Variants in RASSF5 observed in about 807,000 individuals in gnomAD.
RASSF5 encodes the protein ras association domain-containing protein 5.
In RASSF5, 25 loss-of-function variants were observed where a neutral mutation model predicts 40.5. That is an observed-to-expected ratio of 0.62 (90% CI 0.45 to 0.86). RASSF5 has a LOEUF of 0.86. Among genes scored for constraint, RASSF5 ranks in the 40% least tolerant of loss-of-function variants. The pLI is 0.00. For synonymous variants in RASSF5, 246 were observed against 252.4 expected, an observed-to-expected ratio of 0.97 and a Z score of 0.24; for missense variants, 521 against 572.8, an observed-to-expected ratio of 0.91 and a Z score of 0.92.
chr1:206,568,273 C>G (rs1344768438), intron 2 of RASSF5, among the ~76,000 whole-genome samples: 2 of 152,202 alleles, frequency 1.3e-5, no homozygotes, highest in Non-Finnish European at 2.9e-5. Context: ...ATATTAATCC[C>G]TGAGCACCTG....
Position 206,552,611 on chromosome 1 carries a change from T to A in RASSF5, c.579+14318T>A, listed in dbSNP as rs1667870348. 2.0e-5 allele frequency among the ~76,000 whole-genome samples: 3 copies of A among 151,836 alleles called. No individual in the cohort carries two copies. Among genetic ancestry groups the A allele is most frequent in the Admixed American group, 2.0e-4 (3 of 15,240 alleles). ...AAGAGTTTGGAATAGGTGGCGGGAG[T>A]CGGTGGAGAAAGGACAATTGTAATG... On this transcript the variant is annotated intron_variant, in intron 2 of 5. Transcript: ENST00000579436. This position sits in a 1 kb window ranked among gnomAD's most constrained non-coding sequence, Gnocchi z 4.1.
chr1:206,530,830 G>A (rs1240178609), intron 1 of RASSF5, among the ~76,000 whole-genome samples: 4 of 152,200 alleles, frequency 2.6e-5, no homozygotes, highest in African/African-American at 9.7e-5. Flanking sequence ...GCCATGGAAG[G>A]TCTGAGGATG....
chr1:206,558,412 T>C (rs1668050402), intron 2 of RASSF5, among the ~76,000 whole-genome samples: 1 of 152,076 alleles, frequency 6.6e-6, no homozygotes. Context: ...AGTATCTTGG[T>C]GGGAGTGGAG....
intron 2 of RASSF5, chr1:206,557,815 C>A (rs1558512047): frequency 4.5e-6 from 5 of 1,118,340 alleles, no homozygotes; most frequent in Non-Finnish European, 2.6e-6. Context: ...AGTGGCCAGG[C>A]AGTTGCCCTG....
chr1:206,542,915 A>T (rs1216138509), intron 2 of RASSF5: 2 of 152,226 alleles, frequency 1.3e-5, no homozygotes, highest in Non-Finnish European at 2.9e-5. Context: ...ACAAATATTT[A>T]TTAAGCCAGG....
chr1:206,547,458 CG>C (rs1667727268), intron 2 of RASSF5, among the ~76,000 whole-genome samples: 1 of 151,810 alleles, frequency 6.6e-6, no homozygotes, highest in Non-Finnish European at 1.5e-5. Context: ...ATCTAGGTTG[CG>C]TGCTCCTTAT....
chr1:206,540,354 C>T (rs1667514085), intron 2 of RASSF5, among the ~76,000 whole-genome samples: 3 of 152,248 alleles, frequency 2.0e-5, no homozygotes, highest in Admixed American at 2.0e-4. Flanking sequence ...TTTTTGGAAA[C>T]AGAGTGACCC....
chr1:206,571,933 A>T (rs1312900086), intron 2 of RASSF5, among the ~76,000 whole-genome samples: 1 of 152,138 alleles, frequency 6.6e-6, no homozygotes, highest in Non-Finnish European at 1.5e-5. Flanking sequence ...ATTGAGTGTC[A>T]CCCTCTTCTG....
At chr1:206,539,625 T>C (rs1346694945) in intron 2 of RASSF5, among the ~76,000 whole-genome samples, 1 of 152,198 alleles carries the variant, frequency 6.6e-6, no homozygotes, top group Admixed American at 6.5e-5. Context: ...TCCACAGACG[T>C]TGGAATAGTA....
Position 206,587,133 on chromosome 1 carries a change from G to A in RASSF5, c.*155G>A, listed in dbSNP as rs1455789082. On this transcript the variant is annotated 3_prime_UTR_variant, in exon 6 of 6. Coordinates refer to ENST00000579436, the MANE Select transcript of RASSF5 (RefSeq NM_182663.4). ...TGGCAAAAGTCTCTTCCATGGACAA[G>A]TGTTTGCACGAGGGTTCAGCTGTGC... The A allele has an allele frequency of 1.1e-6, 1 of 924,514 alleles. No individual in the cohort carries two copies. The highest frequency in any genetic ancestry group is 2.7e-5 in the East Asian group (1 of 36,670). The allele number at this position is 924,514 out of a possible 1,614,324, so 57.3% of individuals were successfully genotyped here.
In RASSF5 at chr1:206,535,912, C is replaced by T. The variant is rs893268989; in HGVS notation, c.458-2260C>T. Reference sequence around the variant, plus strand: ...CAGCTGTCATCACCGTGGAGCTGGGCGAGCTTTCAGTCCTTCCTCCTTTTC... The same window carrying T: ...CAGCTGTCATCACCGTGGAGCTGGGTGAGCTTTCAGTCCTTCCTCCTTTTC... On this transcript the variant is annotated intron_variant, in intron 1 of 5. Coordinates refer to ENST00000579436, the MANE Select transcript of RASSF5 (RefSeq NM_182663.4). This position sits in a 1 kb window ranked among gnomAD's most constrained non-coding sequence, Gnocchi z 5.0. Among the ~76,000 whole-genome samples the T allele has an allele frequency of 9.9e-5, 15 of 152,160 alleles. No individual in the cohort carries two copies. The East Asian group carries it at 1.5e-3, about 16-fold the overall frequency.
At chr1:206,511,429 G>C (rs1417655253) in intron 1 of RASSF5, among the ~76,000 whole-genome samples, 1 of 152,102 alleles carries the variant, frequency 6.6e-6, no homozygotes, top group African/African-American at 2.4e-5. Flanking sequence ...TCTCATTTTG[G>C]TGGCTGCGTA....
chr1:206,578,063 A>G (rs1230081388), intron 2 of RASSF5, among the ~76,000 whole-genome samples: 4 of 132,610 alleles, frequency 3.0e-5, no homozygotes, highest in Non-Finnish European at 5.0e-5. Flanking sequence ...CATTTCTACA[A>G]AAAAATAAAA....
intron 2 of RASSF5, among the ~76,000 whole-genome samples, chr1:206,573,327 G>A (rs1241251088): frequency 2.0e-5 from 3 of 152,192 alleles, no homozygotes; most frequent in Non-Finnish European, 4.4e-5. Flanking sequence ...GAGGCATATA[G>A]ATTTTCTGAC....
At position 206,507,644 on chromosome 1, in the gene RASSF5, GCTA is replaced by G; in HGVS notation, c.46_48del (p.Leu17del). On this transcript the variant is annotated inframe_deletion, in exon 1 of 6. Coordinates refer to ENST00000579436, the MANE Select transcript of RASSF5 (RefSeq NM_182663.4). Reference sequence around the variant, plus strand: ...CGGCCATCGGGCAGCGCCCGTACCCGCTACTATTGGACCCCGAGCCGCCGCGCT... The same window carrying G: ...CGGCCATCGGGCAGCGCCCGTACCCGCTATTGGACCCCGAGCCGCCGCGCT... 6.5e-7 allele frequency: 1 copy of G among 1,535,528 alleles called. No homozygotes were observed. Among genetic ancestry groups the G allele is most frequent in the Non-Finnish European group, 8.7e-7 (1 of 1,147,790 alleles).
In RASSF5 at chr1:206,540,900, T is replaced by TA. The variant is rs200710262; in HGVS notation, c.579+2607_579+2608insA. 8.8e-4 allele frequency among the ~76,000 whole-genome samples: 134 copies of TA among 151,540 alleles called. 1 individual carries two copies. Among genetic ancestry groups the TA allele is most frequent in the African/African-American group, 3.0e-3 (125 of 41,408 alleles). ...TGGCATTTCTCCTCTCTGATATATA[T>TA]TTTTTTTTCCTGAGACAGAGTCTCA... On this transcript the variant is annotated intron_variant, in intron 2 of 5. Coordinates refer to ENST00000579436, the MANE Select transcript of RASSF5 (RefSeq NM_182663.4).
At chr1:206,518,556 C>A in intron 1 of RASSF5, 1 of 398,646 alleles carries the variant, frequency 2.5e-6, no homozygotes, top group Non-Finnish European at 4.4e-6. Context: ...TAGGTCTAAG[C>A]CAATCTGACT....
intron 2 of RASSF5, among the ~76,000 whole-genome samples, chr1:206,546,141 T>A: frequency 8.8e-6 from 1 of 113,858 alleles, no homozygotes; most frequent in Non-Finnish European, 1.7e-5. Flanking sequence ...CAGGATCTCA[T>A]TCGGTCACCC....
chr1:206,510,616 TGCTGA>T (rs1207649068), intron 1 of RASSF5, among the ~76,000 whole-genome samples: 2 of 152,176 alleles, frequency 1.3e-5, no homozygotes, highest in African/African-American at 4.8e-5. Context: ...TCTGCCTGGT[TGCTGA>T]GCTAAGTGGG....
Sources: gnomAD v4.1 joint callset for allele counts (sites outside exome capture counted in the v4.1 genomes callset) on GRCh38, gnomAD v4.1.1 for gene constraint, Gnocchi (gnomAD v3.1) non-coding constraint, MANE v1.5 for transcripts, NCBI Gene and HGNC (gene_info 2026-07-23, HGNC 2026-07-21) for gene names.